LSAMP: variants seen among roughly 807,000 people sequenced by gnomAD.
The protein encoded by LSAMP is limbic system-associated membrane protein.
A neutral mutation model predicts 38.6 loss-of-function variants in LSAMP; 7 were observed. The observed-to-expected ratio is 0.18, with a 90% CI of 0.10 to 0.34. The LOEUF (loss-of-function observed/expected upper bound fraction) is 0.34, where lower values mean the gene tolerates loss of function less well. Ranked by LOEUF, LSAMP falls within the 10% of genes least tolerant of loss-of-function variation. LSAMP has a pLI of 1.00. For missense variants in LSAMP, 313 were observed against 420.0 expected (o/e 0.75, Z 2.23); for synonymous variants, 154 against 166.8 (o/e 0.92, Z 0.59).
At chr3:115,811,925 C>G (rs911645768) in intron 6 of LSAMP, among the ~76,000 whole-genome samples, 2 of 152,174 alleles carry the variant, frequency 1.3e-5, no homozygotes, top group African/African-American at 4.8e-5. Flanking sequence ...GTTTACACAG[C>G]TTGTAAGCAG....
intron 3 of LSAMP, among the ~76,000 whole-genome samples, chr3:115,888,676 C>T (rs1468535672): frequency 6.6e-5 from 10 of 151,892 alleles, no homozygotes; most frequent in African/African-American, 2.4e-4. Flanking sequence ...AAGCTCATAA[C>T]CCTTCTTTTT....
chr3:115,827,860 T>A lies in LSAMP; in HGVS notation c.919+13985A>T, dbSNP rs9856638. Among the ~76,000 whole-genome samples, 1,464 of 152,298 alleles carry A rather than the reference T, an allele frequency of 9.6e-3. 24 individuals are homozygous for A. Among genetic ancestry groups the A allele is most frequent in the African/African-American group, 0.032 (1,330 of 41,558 alleles). Reference sequence around the variant, plus strand: ...GTTCTTACTTGGCAGGTGTGTTTCTTCACAGCAGTATACAAGGGGAGGTGT... The same window carrying A: ...GTTCTTACTTGGCAGGTGTGTTTCTACACAGCAGTATACAAGGGGAGGTGT... On this transcript the variant is annotated intron_variant, in intron 6 of 6. Coordinates refer to ENST00000490035, the MANE Select transcript of LSAMP (RefSeq NM_002338.5).
chr3:116,120,185 ATATAT>A (rs1708843452), intron 1 of LSAMP, among the ~76,000 whole-genome samples: 1 of 152,294 alleles, frequency 6.6e-6, no homozygotes, highest in African/African-American at 2.4e-5. Context: ...TTCAAATAAG[ATATAT>A]TATAATAGAA....
intron 1 of LSAMP, among the ~76,000 whole-genome samples, chr3:116,425,259 T>C (rs1218241823): frequency 6.6e-6 from 1 of 152,202 alleles, no homozygotes; most frequent in Non-Finnish European, 1.5e-5. Context: ...ATCCCCTATT[T>C]ACTTATGACA....
At chr3:116,283,249 A>G (rs2047151128) in intron 1 of LSAMP, among the ~76,000 whole-genome samples, 1 of 152,214 alleles carries the variant, frequency 6.6e-6, no homozygotes, top group African/African-American at 2.4e-5. Context: ...AAAAGTACCT[A>G]TAACTCCAGA....
At chr3:116,029,880 T>C (rs796258202) in intron 2 of LSAMP, among the ~76,000 whole-genome samples, 1 of 152,050 alleles carries the variant, frequency 6.6e-6, no homozygotes. Flanking sequence ...CATTCTCAAG[T>C]GGCCTTATGA....
chr3:116,071,055 AT>A (rs1707592207), intron 2 of LSAMP, among the ~76,000 whole-genome samples: 1 of 87,722 alleles, frequency 1.1e-5, no homozygotes, highest in Non-Finnish European at 2.5e-5. Context: ...TAAATAAATA[AT>A]AAATAAATAA....
chr3:115,814,821 A>T (rs1459328172), intron 6 of LSAMP, among the ~76,000 whole-genome samples: 1 of 152,214 alleles, frequency 6.6e-6, no homozygotes, highest in Non-Finnish European at 1.5e-5. Context: ...AACAATTTGT[A>T]AAATACTTGT....
At chr3:115,832,560 G>A (rs565167364) in intron 6 of LSAMP, among the ~76,000 whole-genome samples, 3 of 152,066 alleles carry the variant, frequency 2.0e-5, no homozygotes, top group Non-Finnish European at 4.4e-5. Context: ...GCTGCATTTC[G>A]CTTGGGTTAA....
chr3:116,287,560 C>T (rs2047210203), intron 1 of LSAMP, among the ~76,000 whole-genome samples: 1 of 151,768 alleles, frequency 6.6e-6, no homozygotes, highest in Non-Finnish European at 1.5e-5. Context: ...TTTCCTAAGA[C>T]AAAAAGGTAA....
intron 1 of LSAMP, among the ~76,000 whole-genome samples, chr3:116,176,925 T>C (rs932533868): frequency 6.7e-6 from 1 of 150,286 alleles, no homozygotes; most frequent in Non-Finnish European, 1.5e-5. Context: ...TCTTTCTATT[T>C]ATCTTCTAAC....
At chr3:116,088,959 A>T (rs1261355230) in intron 1 of LSAMP, among the ~76,000 whole-genome samples, 1 of 152,210 alleles carries the variant, frequency 6.6e-6, no homozygotes, top group Non-Finnish European at 1.5e-5. Context: ...GGTAACCTAT[A>T]TTCCACGTCC....
chr3:115,902,730 C>T (rs1032383694), intron 3 of LSAMP, among the ~76,000 whole-genome samples: 2 of 152,096 alleles, frequency 1.3e-5, no homozygotes, highest in African/African-American at 4.8e-5. Flanking sequence ...AGCCAACAAG[C>T]ATATGAAAAG....
At chr3:115,928,927 T>C (rs1937531637) in intron 3 of LSAMP, among the ~76,000 whole-genome samples, 2 of 151,992 alleles carry the variant, frequency 1.3e-5, no homozygotes, top group Non-Finnish European at 2.9e-5. Flanking sequence ...CAAGATACCT[T>C]CTTTTTTCTA....
At chr3:116,379,130 TAAC>T (rs2048527263) in intron 1 of LSAMP, among the ~76,000 whole-genome samples, 2 of 151,858 alleles carry the variant, frequency 1.3e-5, no homozygotes, top group African/African-American at 2.4e-5. Flanking sequence ...GTTAAAGAAA[TAAC>T]AGTCACTATT....
chr3:115,895,364 G>A (rs1450263136), intron 3 of LSAMP, among the ~76,000 whole-genome samples: 1 of 152,048 alleles, frequency 6.6e-6, no homozygotes, highest in Non-Finnish European at 1.5e-5. Flanking sequence ...AACAGATGGG[G>A]TCAGTTGACT....
chr3:116,241,346 C>A (rs771220858), intron 1 of LSAMP, among the ~76,000 whole-genome samples: 1 of 152,046 alleles, frequency 6.6e-6, no homozygotes, highest in African/African-American at 2.4e-5. Flanking sequence ...ACAGGCTGAT[C>A]GCCTGAGGTC....
At chr3:115,831,034 G>A (rs1444313048) in intron 6 of LSAMP, among the ~76,000 whole-genome samples, 1 of 152,098 alleles carries the variant, frequency 6.6e-6, no homozygotes, top group Non-Finnish European at 1.5e-5. Context: ...TTTGGGAGTG[G>A]GGGTTTGTTT....
At chr3:116,281,845 T>G (rs2047131260) in intron 1 of LSAMP, among the ~76,000 whole-genome samples, 1 of 152,194 alleles carries the variant, frequency 6.6e-6, no homozygotes, top group South Asian at 2.1e-4. Flanking sequence ...TATGACATAT[T>G]TTAGTACTAA....
Sources: gnomAD v4.1 joint callset for allele counts (sites outside exome capture counted in the v4.1 genomes callset) on GRCh38, gnomAD v4.1.1 for gene constraint, MANE v1.5 for transcripts, NCBI Gene and HGNC (gene_info 2026-07-23, HGNC 2026-07-21) for gene names.